UGT1A10: variants seen among roughly 807,000 people sequenced by gnomAD.
The protein encoded by UGT1A10 is UDP glucuronosyltransferase family 1 member A10.
A neutral mutation model predicts 45.8 loss-of-function variants in UGT1A10; 49 were observed. The observed-to-expected ratio is 1.07, with a 90% CI of 0.85 to 1.36. The LOEUF (loss-of-function observed/expected upper bound fraction) is 1.36, where lower values mean the gene tolerates loss of function less well. Ranked by LOEUF, UGT1A10 falls within the 40% of genes most tolerant of loss-of-function variation. The pLI is 0.00. For missense variants in UGT1A10, 745 were observed against 668.6 expected, an observed-to-expected ratio of 1.11 and a Z score of -1.26; for synonymous variants, 284 against 249.7, an observed-to-expected ratio of 1.14 and a Z score of -1.29.
At chr2:233,721,960 C>T (rs1451442722) in intron 1 of UGT1A10, 10 of 313,544 alleles carry the variant, frequency 3.2e-5, no homozygotes, top group South Asian at 1.1e-4. Context: ...TTTGTATATG[C>T]ATACATTGAT....
chr2:233,755,430 C>T (rs1467633549), intron 1 of UGT1A10: 1 of 318,494 alleles, frequency 3.1e-6, no homozygotes, highest in African/African-American at 2.2e-5. Flanking sequence ...GCCTCGCATC[C>T]CAAGATGCAG....
chr2:233,640,034 C>T (rs1308383616), intron 1 of UGT1A10, among the ~76,000 whole-genome samples: 1 of 152,178 alleles, frequency 6.6e-6, no homozygotes, highest in African/African-American at 2.4e-5. Context: ...TGCAGCTCTG[C>T]AGACCTGGGG....
chr2:233,713,909 A>T (rs1191711784), intron 1 of UGT1A10: 23 of 1,612,758 alleles, frequency 1.4e-5, no homozygotes, highest in South Asian at 2.2e-5. Context: ...AACACTTTTT[A>T]AAAAATGTAT....
intron 1 of UGT1A10, chr2:233,718,046 C>G (rs534581999): frequency 3.7e-4 from 137 of 366,642 alleles, no homozygotes; most frequent in African/African-American, 2.8e-3. Context: ...AGCAGGAGCT[C>G]CCTGAACCCA....
intron 1 of UGT1A10, among the ~76,000 whole-genome samples, chr2:233,730,647 C>T (rs2078057207): frequency 6.6e-6 from 1 of 152,076 alleles, no homozygotes; most frequent in Admixed American, 6.6e-5. Flanking sequence ...GATGTGGGGA[C>T]ATCTCAGAGT....
rs772176051 is a variant in UGT1A10, at chr2:233,637,228, C to T, written c.706C>T (p.Gln236Ter). Residue 236 changes from glutamine (Q) to a stop codon, truncating the protein, a stop_gained, in exon 1 of 5, where the codon CAA becomes TAA. Transcript: ENST00000344644. LOFTEE classifies it high-confidence loss of function. ...CCTAGAAATAGCCTCTGAAATTCTC[C>T]AAACCCCTGTCACGGCATATGATCT... The part of the protein sequence containing the change: ...NALEIASEIL[Q>*]TPVTAYDLYS... 1.2e-6 allele frequency: 2 copies of T among 1,613,926 alleles called. No homozygotes were observed. The highest frequency in any genetic ancestry group is 1.1e-5 in the South Asian group (1 of 91,078).
chr2:233,767,826 T>C (rs1204368520), intron 2 of UGT1A10, 23 bp from the exon 3 acceptor site: 5 of 1,614,208 alleles, frequency 3.1e-6, no homozygotes, highest in South Asian at 2.2e-5. Flanking sequence ...TTCTTTACGT[T>C]CTGCTCTTTT....
chr2:233,749,939 T>C (rs1438530093), intron 1 of UGT1A10, among the ~76,000 whole-genome samples: 1 of 151,928 alleles, frequency 6.6e-6, no homozygotes, highest in African/African-American at 2.4e-5. Context: ...CTTTCCTTTA[T>C]GAATTACCGA....
intron 1 of UGT1A10, among the ~76,000 whole-genome samples, chr2:233,705,227 T>G (rs1012532706): frequency 6.6e-6 from 1 of 152,202 alleles, no homozygotes; most frequent in Non-Finnish European, 1.5e-5. Flanking sequence ...TTATCAGTGC[T>G]TTTTTTCTGT....
chr2:233,659,293 G>A (rs182214955), intron 1 of UGT1A10, among the ~76,000 whole-genome samples: 5 of 152,182 alleles, frequency 3.3e-5, no homozygotes, highest in Admixed American at 6.5e-5. Context: ...ATATCATTTT[G>A]ACCCCCATAA....
intron 1 of UGT1A10, among the ~76,000 whole-genome samples, chr2:233,686,425 G>A (rs776332125): frequency 1.3e-5 from 2 of 152,056 alleles, no homozygotes; most frequent in Non-Finnish European, 2.9e-5. Flanking sequence ...ATAAACACAC[G>A]CATGCTTGAC....
At chr2:233,655,704 G>A (rs868004381) in intron 1 of UGT1A10, among the ~76,000 whole-genome samples, 15 of 152,172 alleles carry the variant, frequency 9.9e-5, no homozygotes, top group African/African-American at 3.1e-4. Flanking sequence ...ACGCCTCTCT[G>A]GCCTCAGGGT....
At chr2:233,637,555 C>T (rs551258383) in intron 1 of UGT1A10, among the ~76,000 whole-genome samples, 178 bp downstream of exon 1, 1 of 152,262 alleles carries the variant, frequency 6.6e-6, no homozygotes, top group African/African-American at 2.4e-5. Context: ...TATAAAACTG[C>T]CCTTCTTGAA....
intron 1 of UGT1A10, among the ~76,000 whole-genome samples, chr2:233,759,294 C>A (rs1363540933): frequency 6.6e-6 from 1 of 152,134 alleles, no homozygotes; most frequent in Non-Finnish European, 1.5e-5. Context: ...TGAAGCTGAG[C>A]CCTGAGTGGC....
intron 1 of UGT1A10, chr2:233,672,852 T>C (rs918620346): frequency 2.1e-5 from 33 of 1,538,884 alleles, no homozygotes; most frequent in Non-Finnish European, 2.9e-5. Context: ...AAAAGGATTC[T>C]TTACTGAACT....
At chr2:233,724,475 T>A (rs568755731) in intron 1 of UGT1A10, among the ~76,000 whole-genome samples, 8 of 68,812 alleles carry the variant, frequency 1.2e-4, no homozygotes, top group Non-Finnish European at 1.5e-4. Flanking sequence ...GGCTCCTCAC[T>A]TCTCAGACGG....
At chr2:233,672,291 A>T in intron 1 of UGT1A10, 2 of 1,613,742 alleles carry the variant, frequency 1.2e-6, no homozygotes, top group Non-Finnish European at 8.5e-7. Flanking sequence ...TTTTTGACTT[A>T]TTTTTTTCAA....
rs267599271 is a variant in UGT1A10, at chr2:233,713,125, G to A, written c.856-53909G>A. On this transcript the variant is annotated intron_variant, in intron 1 of 4. Transcript: ENST00000344644. ...GATGGCAGCCACTGGCTCAGCATGC[G>A]GGAGGCCTTGCGGGACCTCCATGCG... 5.5e-5 allele frequency: 89 copies of A among 1,614,190 alleles called. No homozygotes were observed. Among genetic ancestry groups the A allele is most frequent in the Admixed American group, 3.2e-4 (19 of 60,030 alleles).
intron 1 of UGT1A10, among the ~76,000 whole-genome samples, chr2:233,675,110 T>A (rs991386462): frequency 1.3e-5 from 2 of 151,832 alleles, no homozygotes; most frequent in African/African-American, 2.4e-5. Flanking sequence ...TTCTTGAAGG[T>A]CTCCTGTAAC....
Sources: allele counts gnomAD v4.1 joint callset (sites outside exome capture counted in the v4.1 genomes callset), GRCh38; gene constraint gnomAD v4.1.1; transcripts MANE v1.5; gene names NCBI Gene and HGNC (gene_info 2026-07-23, HGNC 2026-07-21).